Variants in PLCL1 observed in about 807,000 individuals in gnomAD.
PLCL1 encodes the protein phospholipase C like 1 (inactive), also known as inactive phospholipase C-like protein 1.
In PLCL1, 41 loss-of-function variants were observed where a neutral mutation model predicts 84.4. That is an observed-to-expected ratio of 0.49 (90% CI 0.38 to 0.63). The LOEUF (loss-of-function observed/expected upper bound fraction) is 0.63. Among genes scored for constraint, PLCL1 ranks in the 30% least tolerant of loss-of-function variants. The probability of loss-of-function intolerance (pLI) is 0.00; values close to 1 mark genes in which losing one functional copy is unlikely to be tolerated. For synonymous variants in PLCL1, 490 were observed against 488.3 expected, an observed-to-expected ratio of 1.00 and a Z score of -0.05; for missense variants, 1,206 against 1,367.8, an observed-to-expected ratio of 0.88 and a Z score of 1.87.
At chr2:197,923,261 C>G (rs1381828890) in intron 1 of PLCL1, among the ~76,000 whole-genome samples, 6 of 148,004 alleles carry the variant, frequency 4.1e-5, no homozygotes, top group Admixed American at 3.3e-4. Flanking sequence ...GGGGCTGACC[C>G]CCCCCACCTC....
At position 197,838,730 on chromosome 2, in the gene PLCL1, G is replaced by A. The variant is rs79742515; in HGVS notation, c.240+33391G>A. Among the ~76,000 whole-genome samples, 911 of 152,246 alleles carry A rather than the reference G, an allele frequency of 6.0e-3. 10 individuals carry two copies. Among genetic ancestry groups the A allele is most frequent in the African/African-American group, 0.021 (870 of 41,556 alleles). ...AATGGAGCTCCTCGATACACTTCCC[G>A]TTTCACAGGGGAAGAGATGGGAATT... On this transcript the variant is annotated intron_variant, in intron 1 of 5. Transcript: ENST00000428675.
At chr2:197,965,065 G>C (rs998867595) in intron 1 of PLCL1, among the ~76,000 whole-genome samples, 22 of 152,074 alleles carry the variant, frequency 1.4e-4, no homozygotes, top group African/African-American at 5.3e-4. Flanking sequence ...GGTAATACTG[G>C]ACTTGTAGAA....
At chr2:197,863,535 G>A (rs1687472597) in intron 1 of PLCL1, among the ~76,000 whole-genome samples, 1 of 152,126 alleles carries the variant, frequency 6.6e-6, no homozygotes, top group Non-Finnish European at 1.5e-5. Flanking sequence ...ATTCTGATTT[G>A]TTCTGTCTGT....
At chr2:197,916,318 A>T (rs1688599921) in intron 1 of PLCL1, among the ~76,000 whole-genome samples, 1 of 152,218 alleles carries the variant, frequency 6.6e-6, no homozygotes, top group South Asian at 2.1e-4. Context: ...CAGTGTGGAT[A>T]TTCCATACTG....
At chr2:198,066,807 C>T (rs1172929279) in intron 1 of PLCL1, among the ~76,000 whole-genome samples, 1 of 152,140 alleles carries the variant, frequency 6.6e-6, no homozygotes, top group African/African-American at 2.4e-5. Context: ...ATTTTTCCCA[C>T]ACTATTTGCC....
chr2:198,109,741 A>C (rs191466393), intron 5 of PLCL1, among the ~76,000 whole-genome samples: 48 of 151,968 alleles, frequency 3.2e-4, no homozygotes, highest in African/African-American at 1.1e-3. Context: ...AAAGGTGATC[A>C]CATCTATAAA....
chr2:197,869,431 A>G (rs922726612), intron 1 of PLCL1, among the ~76,000 whole-genome samples: 1 of 151,812 alleles, frequency 6.6e-6, no homozygotes, highest in African/African-American at 2.4e-5. Flanking sequence ...TTTGATTTAT[A>G]TTTACATAAT....
chr2:198,118,483 A>G (rs902017241), intron 5 of PLCL1, among the ~76,000 whole-genome samples: 1 of 151,986 alleles, frequency 6.6e-6, no homozygotes, highest in Non-Finnish European at 1.5e-5. Context: ...TGTTTTGTCA[A>G]AGATACTCAG....
chr2:197,902,407 A>C (rs1307376114), intron 1 of PLCL1, among the ~76,000 whole-genome samples: 1 of 152,214 alleles, frequency 6.6e-6, no homozygotes, highest in Non-Finnish European at 1.5e-5. Context: ...TTTAGGCAGC[A>C]TGGCAAGTTT....
intron 1 of PLCL1, among the ~76,000 whole-genome samples, chr2:197,917,538 A>C (rs1239811436): frequency 6.6e-6 from 1 of 152,214 alleles, no homozygotes; most frequent in Non-Finnish European, 1.5e-5. Context: ...ATGATATTGT[A>C]ATTATGGATA....
chr2:198,049,272 C>T lies in PLCL1; in HGVS notation c.241-34486C>T, dbSNP rs552780615. On this transcript the variant is annotated intron_variant, in intron 1 of 5. Transcript: ENST00000428675. ...ACATCAAGTGACTAAAATGCAACAGCATAAATCCTCTCTCATAATAGACAG... is the reference window on the plus strand; with the variant it reads ...ACATCAAGTGACTAAAATGCAACAGTATAAATCCTCTCTCATAATAGACAG... Among the ~76,000 whole-genome samples, 3 of 152,344 alleles carry T rather than the reference C, an allele frequency of 2.0e-5. 1 individual carries two copies. In the South Asian group the frequency reaches 6.2e-4, roughly 32 times the overall value.
intron 1 of PLCL1, among the ~76,000 whole-genome samples, chr2:198,017,142 T>C (rs1691017564): frequency 6.6e-6 from 1 of 152,212 alleles, no homozygotes; most frequent in Non-Finnish European, 1.5e-5. Context: ...GTATTTTTAT[T>C]ATGATTAAAA....
At chr2:197,920,501 C>T (rs1428366335) in intron 1 of PLCL1, among the ~76,000 whole-genome samples, 1 of 152,116 alleles carries the variant, frequency 6.6e-6, no homozygotes, top group Non-Finnish European at 1.5e-5. Context: ...AACCAAATGG[C>T]TGCTTCATTT....
Position 198,085,335 on chromosome 2 carries a change from C to T in PLCL1, c.1818C>T (p.Ser606=), listed in dbSNP as rs1343327700. 5 of 1,613,270 alleles carry T rather than the reference C, an allele frequency of 3.1e-6. No homozygotes were observed. The Admixed American group carries it at 5.0e-5, about 16-fold the overall frequency. Residue 606 remains serine (S), a synonymous_variant, in exon 2 of 6, where the codon AGC becomes AGT. Coordinates refer to ENST00000428675, the MANE Select transcript of PLCL1 (RefSeq NM_006226.4). The surrounding 1 kb of genome is among the most constrained non-coding windows in gnomAD (Gnocchi z 5.3). ...QYRDFELSMK[S]QNYWEMCSFS... ...GGGATTTTGAACTATCTATGAAAAG[C>T]CAAAACTATTGGGAAATGTGTTCAT...
intron 1 of PLCL1, among the ~76,000 whole-genome samples, chr2:197,942,316 C>T (rs1319424711): frequency 6.6e-6 from 1 of 152,134 alleles, no homozygotes; most frequent in Non-Finnish European, 1.5e-5. Context: ...TGCCCCTTTG[C>T]CTTTTAACAA....
Position 197,805,481 on chromosome 2 carries a change from T to C in PLCL1, c.240+142T>C, listed in dbSNP as rs1015056932. The C allele has an allele frequency of 5.2e-5, 41 of 785,728 alleles. No homozygotes were observed. The highest frequency in any genetic ancestry group is 6.7e-5 in the Non-Finnish European group (39 of 579,442). The allele number at this position is 785,728 out of a possible 1,614,324, so 48.7% of individuals were successfully genotyped here. A position where few individuals can be genotyped will look rare whatever the true frequency, so the allele number is the denominator to read the frequency against. ...CCTTCAACGCCAAACCTTCCTTCCT[T>C]ATCCGGAGGTTCCCAGACTCAGCTG... On this transcript the variant is annotated intron_variant, in intron 1 of 5. Coordinates refer to ENST00000428675, the MANE Select transcript of PLCL1 (RefSeq NM_006226.4). The surrounding 1 kb of genome is among the most constrained non-coding windows in gnomAD (Gnocchi z 4.0).
intron 5 of PLCL1, among the ~76,000 whole-genome samples, chr2:198,122,693 A>G (rs1021833582): frequency 6.6e-6 from 1 of 152,130 alleles, no homozygotes; most frequent in South Asian, 2.1e-4. Flanking sequence ...AAATCAGAAT[A>G]TTCACCATAA....
At chr2:197,975,266 C>T (rs1237386166) in intron 1 of PLCL1, among the ~76,000 whole-genome samples, 2 of 130,652 alleles carry the variant, frequency 1.5e-5, no homozygotes, top group Non-Finnish European at 3.4e-5. Context: ...ATTAAAACCC[C>T]TGCAAGGTAG....
chr2:197,920,265 A>T (rs1242809267), intron 1 of PLCL1, among the ~76,000 whole-genome samples: 1 of 151,922 alleles, frequency 6.6e-6, no homozygotes, highest in Non-Finnish European at 1.5e-5. Flanking sequence ...CAGAATGCTC[A>T]TTGGAAGACT....
Sources: gnomAD v4.1 joint callset for allele counts (sites outside exome capture counted in the v4.1 genomes callset) on GRCh38, gnomAD v4.1.1 for gene constraint, Gnocchi (gnomAD v3.1) non-coding constraint, MANE v1.5 for transcripts, NCBI Gene and HGNC (gene_info 2026-07-23, HGNC 2026-07-21) for gene names.